PHKB: variants seen among roughly 807,000 people sequenced by gnomAD.
The protein encoded by PHKB is phosphorylase b kinase regulatory subunit beta.
A neutral mutation model predicts 152.1 loss-of-function variants in PHKB; 122 were observed. The ratio of observed to expected loss-of-function variants is 0.80; its 90% CI spans 0.69 to 0.93. PHKB has a LOEUF of 0.93. Among genes scored for constraint, PHKB ranks in the 40% least tolerant of loss-of-function variants. The pLI is 0.00. For synonymous variants in PHKB, 436 were observed against 464.9 expected, an observed-to-expected ratio of 0.94 and a Z score of 0.80; for missense variants, 1,304 against 1,328.4, an observed-to-expected ratio of 0.98 and a Z score of 0.29.
chr16:47,618,588 A>G (rs1294799245), intron 14 of PHKB, among the ~76,000 whole-genome samples: 3 of 152,144 alleles, frequency 2.0e-5, no homozygotes, highest in Non-Finnish European at 2.9e-5. Context: ...AGACTTATTT[A>G]TGTTGTCTGA....
chr16:47,547,169 A>G (rs1307472518), intron 6 of PHKB, among the ~76,000 whole-genome samples: 2 of 152,102 alleles, frequency 1.3e-5, no homozygotes, highest in East Asian at 3.9e-4. Context: ...AAATGCAGAA[A>G]TCACCCGTCT....
chr16:47,503,913 A>G (rs555124827), intron 4 of PHKB, among the ~76,000 whole-genome samples: 83 of 152,246 alleles, frequency 5.5e-4, no homozygotes, highest in Non-Finnish European at 9.8e-4. Context: ...CATTTAAAAA[A>G]CTATAAAGCT....
At chr16:47,478,100 G>A (rs1044783781) in intron 1 of PHKB, among the ~76,000 whole-genome samples, 10 of 152,132 alleles carry the variant, frequency 6.6e-5, no homozygotes, top group Non-Finnish European at 1.2e-4. Flanking sequence ...CTTGAACATA[G>A]TGCTAAATAA....
At chr16:47,463,591 C>G (rs893923812) in intron 1 of PHKB, 4 of 311,524 alleles carry the variant, frequency 1.3e-5, no homozygotes, top group Non-Finnish European at 2.5e-5. Flanking sequence ...GAGTCCTCCC[C>G]ACAGAGTTCT....
At chr16:47,675,029 A>T (rs1420854967) in intron 26 of PHKB, among the ~76,000 whole-genome samples, 2 of 152,228 alleles carry the variant, frequency 1.3e-5, no homozygotes, top group Non-Finnish European at 2.9e-5. Flanking sequence ...TTATGTTCAG[A>T]GGAAGAGATC....
intron 14 of PHKB, among the ~76,000 whole-genome samples, chr16:47,628,072 G>A (rs1220335336): frequency 6.6e-6 from 1 of 152,210 alleles, no homozygotes; most frequent in Non-Finnish European, 1.5e-5. Flanking sequence ...CAGAGGCATA[G>A]AATGTTTCAA....
intron 1 of PHKB, among the ~76,000 whole-genome samples, chr16:47,485,962 TA>T (rs924541913): frequency 1.7e-3 from 244 of 142,034 alleles, no homozygotes; most frequent in South Asian, 3.6e-3. Context: ...GACAAAAGAT[TA>T]AAAAAAAAAA....
At chr16:47,519,572 G>T (rs1423569207) in intron 6 of PHKB, among the ~76,000 whole-genome samples, 1 of 152,190 alleles carries the variant, frequency 6.6e-6, no homozygotes, top group African/African-American at 2.4e-5. Flanking sequence ...CAACTGAGCT[G>T]CTTTGAGTGT....
chr16:47,651,715 A>T (rs1949465117), intron 20 of PHKB, among the ~76,000 whole-genome samples: 1 of 152,332 alleles, frequency 6.6e-6, no homozygotes, highest in South Asian at 2.1e-4. Flanking sequence ...CTCAGTATTA[A>T]ATAAGAAAGA....
At chr16:47,679,266 T>A (rs1231955342) in intron 26 of PHKB, among the ~76,000 whole-genome samples, 1 of 152,202 alleles carries the variant, frequency 6.6e-6, no homozygotes, top group African/African-American at 2.4e-5. Context: ...CTTTTTTGGT[T>A]CTATATGTAC....
chr16:47,634,860 A>T (rs1412809685), intron 14 of PHKB, among the ~76,000 whole-genome samples: 3 of 152,216 alleles, frequency 2.0e-5, no homozygotes, highest in East Asian at 3.9e-4. Flanking sequence ...CAGTTTTGTT[A>T]TCATTTTACA....
chr16:47,651,862 T>G (rs1219628808), intron 20 of PHKB, among the ~76,000 whole-genome samples: 1 of 152,196 alleles, frequency 6.6e-6, no homozygotes, highest in East Asian at 1.9e-4. Flanking sequence ...TTGCTTTGTC[T>G]TTTTGTAATG....
In PHKB at chr16:47,623,725, T is replaced by C. The variant is rs1972659829; in HGVS notation, c.1458+12805T>C. 2.0e-5 allele frequency among the ~76,000 whole-genome samples: 3 copies of C among 152,050 alleles called. No homozygotes were observed. The South Asian group carries it at 6.3e-4, about 32-fold the overall frequency. ...CCTGCCATCATGCCTGGTTAATTTGTTTTTGTATTTTTAATAGAGATGGAG... is the reference window on the plus strand; with the variant it reads ...CCTGCCATCATGCCTGGTTAATTTGCTTTTGTATTTTTAATAGAGATGGAG... On this transcript the variant is annotated intron_variant, in intron 14 of 30. Coordinates refer to ENST00000323584, the MANE Select transcript of PHKB (RefSeq NM_000293.3).
intron 1 of PHKB, among the ~76,000 whole-genome samples, chr16:47,487,427 A>T (rs542464113): frequency 3.7e-5 from 5 of 136,148 alleles, no homozygotes; most frequent in Admixed American, 1.8e-4. Context: ...ATATATATAT[A>T]TATTTTTTTT....
chr16:47,529,331 A>G (rs1445411380), intron 6 of PHKB: 1 of 151,454 alleles, frequency 6.6e-6, no homozygotes, highest in Non-Finnish European at 1.5e-5. Context: ...CGCTACAAAA[A>G]TCTTTAAAAA....
intron 7 of PHKB, among the ~76,000 whole-genome samples, chr16:47,563,733 C>A (rs1470607180): frequency 1.3e-5 from 2 of 152,098 alleles, no homozygotes; most frequent in Non-Finnish European, 1.5e-5. Flanking sequence ...CTGAGGAAGT[C>A]TGGGCGTTAA....
chr16:47,670,779 C>T (rs535922173), intron 26 of PHKB, among the ~76,000 whole-genome samples: 9 of 152,286 alleles, frequency 5.9e-5, no homozygotes, highest in Non-Finnish European at 1.2e-4. Context: ...TGTGAGCCAC[C>T]TCACCTGGCT....
At chr16:47,589,896 T>C (rs1466041952) in intron 10 of PHKB, among the ~76,000 whole-genome samples, 1 of 152,194 alleles carries the variant, frequency 6.6e-6, no homozygotes, top group Non-Finnish European at 1.5e-5. Context: ...GCAATTCTCC[T>C]GCCTCAGCTT....
At chr16:47,649,272 A>G (rs1973191843) in intron 18 of PHKB, 68 bp downstream of exon 18, 4 of 883,156 alleles carry the variant, frequency 4.5e-6, no homozygotes, top group South Asian at 3.9e-5. Context: ...ATATGTTACT[A>G]TATTGAGTAC....
Sources: allele counts gnomAD v4.1 joint callset (sites outside exome capture counted in the v4.1 genomes callset), GRCh38; gene constraint gnomAD v4.1.1; transcripts MANE v1.5; gene names NCBI Gene and HGNC (gene_info 2026-07-23, HGNC 2026-07-21).